Variants in CELF2 observed in about 807,000 individuals in gnomAD.
The protein encoded by CELF2 is CUG triplet repeat RNA-binding protein 2.
In CELF2, 8 loss-of-function variants were observed where a neutral mutation model predicts 62.6. The observed-to-expected ratio is 0.13, with a 90% confidence interval of 0.07 to 0.23. CELF2 has a LOEUF of 0.23. CELF2 is among the 10% of genes least tolerant of loss of function. The probability of loss-of-function intolerance (pLI) is 1.00; values close to 1 mark genes in which losing one functional copy is unlikely to be tolerated. For synonymous variants in CELF2, 258 were observed against 250.0 expected (o/e 1.03, Z -0.30); for missense variants, 333 against 671.0 (o/e 0.50, Z 5.56).
chr10:11,032,677 C>CTTGGAAAAT (rs71287362), intron 1 of CELF2, among the ~76,000 whole-genome samples: 63,957 of 151,600 alleles, frequency 0.42, 14,582 homozygotes, highest in Non-Finnish European at 0.54. Context: ...AGTCCAAACT[C>CTTGGAAAAT]TTGGAAAATT....
intron 1 of CELF2, among the ~76,000 whole-genome samples, chr10:11,023,710 A>G (rs1483794226): frequency 6.6e-6 from 1 of 152,218 alleles, no homozygotes; most frequent in East Asian, 1.9e-4. Context: ...GATTACTCCA[A>G]CTGTTTTTAT....
Position 11,329,072 on chromosome 10 carries a change from C to A in CELF2, c.*19C>A. Reference sequence around the variant, plus strand: ...TTACTGATCCTAACCCCAGAGGCTCCCTGCTCTCATTTTAGCTTTCTTAGG... The same window carrying A: ...TTACTGATCCTAACCCCAGAGGCTCACTGCTCTCATTTTAGCTTTCTTAGG... On this transcript the variant is annotated 3_prime_UTR_variant, in exon 13 of 13. Coordinates refer to ENST00000633077, the MANE Select transcript of CELF2 (RefSeq NM_001326342.2). This position sits in a 1 kb window ranked among gnomAD's most constrained non-coding sequence, Gnocchi z 5.5. The A allele has an allele frequency of 6.2e-7, 1 of 1,600,854 alleles. No homozygotes were observed. Among genetic ancestry groups the A allele is most frequent in the South Asian group, 1.1e-5 (1 of 90,370 alleles).
At chr10:10,500,184 T>A in the CELF2 span, among the ~76,000 whole-genome samples, 1 of 152,246 alleles carries the variant, frequency 6.6e-6, no homozygotes, top group Non-Finnish European at 1.5e-5. Context: ...ATTTGGAGAA[T>A]TATTACTTAC....
chr10:10,527,472 C>A, the CELF2 span, among the ~76,000 whole-genome samples: 1 of 149,006 alleles, frequency 6.7e-6, no homozygotes. Context: ...AGTAACCAGG[C>A]TATAGAGTTT....
chr10:11,265,383 A>G (rs2081925188), intron 5 of CELF2, among the ~76,000 whole-genome samples: 1 of 152,252 alleles, frequency 6.6e-6, no homozygotes, highest in Admixed American at 6.5e-5. Flanking sequence ...TTTTGAGGAA[A>G]TTGAGTGGAA....
At chr10:10,989,515 T>C (rs2136639850) in intron 2 of CELF2, among the ~76,000 whole-genome samples, 1 of 152,190 alleles carries the variant, frequency 6.6e-6, no homozygotes, top group South Asian at 2.1e-4. Context: ...GAAATAATTA[T>C]GTTGTATCTT....
chr10:10,621,663 T>C, the CELF2 span, among the ~76,000 whole-genome samples: 2 of 152,160 alleles, frequency 1.3e-5, no homozygotes, highest in Admixed American at 6.5e-5. Context: ...TCACTCTTCC[T>C]CTTAGAGTTG....
chr10:11,072,440 C>T (rs759670561), intron 1 of CELF2, among the ~76,000 whole-genome samples: 14 of 152,204 alleles, frequency 9.2e-5, no homozygotes, highest in Non-Finnish European at 1.6e-4. Context: ...TTGCTAAGAC[C>T]ATGACCATAG....
the CELF2 span, among the ~76,000 whole-genome samples, chr10:10,762,431 T>C: frequency 6.6e-6 from 1 of 152,068 alleles, no homozygotes; most frequent in Admixed American, 6.5e-5. Context: ...AGTAGAGATA[T>C]AGGTAGGAAA....
chr10:10,676,579 C>T, the CELF2 span, among the ~76,000 whole-genome samples: 32 of 152,294 alleles, frequency 2.1e-4, no homozygotes, highest in African/African-American at 7.2e-4. Flanking sequence ...TGATGGGGTT[C>T]CCCTAGAGCT....
Position 11,280,479 on chromosome 10 carries a change from G to A in CELF2, c.841+5359G>A, listed in dbSNP as rs111408848. 2.7e-3 allele frequency among the ~76,000 whole-genome samples: 410 copies of A among 152,346 alleles called. 3 individuals carry two copies. Among genetic ancestry groups the A allele is most frequent in the African/African-American group, 9.5e-3 (395 of 41,598 alleles). On this transcript the variant is annotated intron_variant, in intron 8 of 12. Coordinates refer to ENST00000633077, the MANE Select transcript of CELF2 (RefSeq NM_001326342.2). The surrounding 1 kb of genome is among the most constrained non-coding windows in gnomAD (Gnocchi z 7.6). ...CAGGTGCGATGTCCACGTTCCGGGT[G>A]ATGGCGCTGTGGCTGTGGATCCATC...
At chr10:10,603,864 A>C in the CELF2 span, among the ~76,000 whole-genome samples, 1 of 152,118 alleles carries the variant, frequency 6.6e-6, no homozygotes, top group South Asian at 2.1e-4. Flanking sequence ...CATAATATAA[A>C]TGATAAAGGT....
chr10:11,150,392 G>C (rs1328679973), intron 1 of CELF2, among the ~76,000 whole-genome samples: 2 of 152,192 alleles, frequency 1.3e-5, no homozygotes, highest in Non-Finnish European at 2.9e-5. Context: ...GATCCACCTT[G>C]TTTTGAAAAG....
intron 1 of CELF2, chr10:11,071,764 T>G (rs756005033): frequency 6.6e-6 from 1 of 152,226 alleles, no homozygotes; most frequent in Non-Finnish European, 1.5e-5. Flanking sequence ...GGATTTTGTT[T>G]CTGCTGCTTC....
chr10:11,164,978 T>C, intron 1 of CELF2: 1 of 781,988 alleles, frequency 1.3e-6, no homozygotes, highest in Non-Finnish European at 1.5e-6. Flanking sequence ...TCATTTTCTT[T>C]CCATGTGACT....
chr10:10,856,732 A>ATATCATTT lies in CELF2; in HGVS notation c.53+57917_53+57924dup, dbSNP rs2059733598. On this transcript the variant is annotated intron_variant, in intron 1 of 13. Transcript: ENST00000636488. ...CTTTCTCAAAGGATTTACTTCTGAA[A>ATATCATTT]TATCATTTTTCATAAGCATCACCAG... Among the ~76,000 whole-genome samples, 3 of 152,306 alleles carry ATATCATTT rather than the reference A, an allele frequency of 2.0e-5. No homozygotes were observed. The South Asian group carries it at 6.2e-4, about 32-fold the overall frequency.
Position 11,032,146 on chromosome 10 carries a change from C to CAAAAAAAAAAAA in CELF2, c.74+13997_74+14008dup, listed in dbSNP as rs56364371. Among the ~76,000 whole-genome samples, 265 of 86,352 alleles carry CAAAAAAAAAAAA rather than the reference C, an allele frequency of 3.1e-3. 11 individuals are homozygous for CAAAAAAAAAAAA. The highest frequency in any genetic ancestry group is 9.7e-3 in the African/African-American group (243 of 24,950). 56.7% of individuals were successfully genotyped at this position (86,352 alleles called of 152,430 possible). A position where few individuals can be genotyped will look rare whatever the true frequency, so the allele number is the denominator to read the frequency against. The stretch of plus-strand genomic sequence containing the variant: ...CTCCCAGCTCCACATAGGGCTTAGC[C>CAAAAAAAAAAAA]AAAAAAAAAAAAAAAAAAAAAAAAA... On this transcript the variant is annotated intron_variant, in intron 1 of 12. Coordinates refer to ENST00000633077, the MANE Select transcript of CELF2 (RefSeq NM_001326342.2).
At chr10:10,632,832 T>C in the CELF2 span, among the ~76,000 whole-genome samples, 1 of 152,180 alleles carries the variant, frequency 6.6e-6, no homozygotes, top group Non-Finnish European at 1.5e-5. Context: ...GGCTCTAGGA[T>C]AAATTTCCAA....
the CELF2 span, among the ~76,000 whole-genome samples, chr10:10,694,423 T>C: frequency 2.6e-5 from 4 of 151,838 alleles, no homozygotes; most frequent in Non-Finnish European, 4.4e-5. Flanking sequence ...AGGAGAGCTT[T>C]ACTTCCAAGT....
Sources: allele counts gnomAD v4.1 joint callset (sites outside exome capture counted in the v4.1 genomes callset), GRCh38; gene constraint gnomAD v4.1.1; non-coding constraint Gnocchi (gnomAD v3.1); transcripts MANE v1.5; gene names NCBI Gene and HGNC (gene_info 2026-07-23, HGNC 2026-07-21).